The following ENTREP2 variants were observed in gnomAD, a reference collection of about 807,000 sequenced individuals.
ENTREP2 encodes protein ENTREP2.
chr15:29,222,045 G>A, the ENTREP2 span, among the ~76,000 whole-genome samples: 16 of 152,198 alleles, frequency 1.1e-4, no homozygotes, highest in Non-Finnish European at 1.8e-4. Context: ...TTGGATAGGG[G>A]CTGGGTAAAA....
the ENTREP2 span, among the ~76,000 whole-genome samples, chr15:29,206,103 C>T: frequency 2.6e-5 from 4 of 152,172 alleles, no homozygotes; most frequent in Non-Finnish European, 5.9e-5. Flanking sequence ...ATACCACAGA[C>T]GGGGTGGCTT....
the ENTREP2 span, among the ~76,000 whole-genome samples, chr15:29,543,035 T>C: frequency 2.6e-5 from 4 of 152,230 alleles, no homozygotes. Flanking sequence ...GTTATGAACA[T>C]GGATAAACAA....
the ENTREP2 span, among the ~76,000 whole-genome samples, chr15:29,332,564 G>A: frequency 1.3e-5 from 2 of 152,170 alleles, no homozygotes; most frequent in Non-Finnish European, 1.5e-5. Flanking sequence ...AATAACCGTG[G>A]TAAGAAGCAA....
chr15:29,135,779 C>A, the ENTREP2 span, among the ~76,000 whole-genome samples: 2 of 152,216 alleles, frequency 1.3e-5, no homozygotes, highest in Non-Finnish European at 2.9e-5. This position sits in a 1 kb window ranked among gnomAD's most constrained non-coding sequence, Gnocchi z 7.4. Context: ...AAGGACCTGG[C>A]AACTGAGGCA....
At chr15:29,642,513 TATAC>T in the ENTREP2 span, among the ~76,000 whole-genome samples, 1 of 148,174 alleles carries the variant, frequency 6.7e-6, no homozygotes, top group Non-Finnish European at 1.5e-5. Context: ...ATATATCATA[TATAC>T]ATATATACAC....
chr15:29,555,337 G>A, the ENTREP2 span, among the ~76,000 whole-genome samples: 1 of 152,176 alleles, frequency 6.6e-6, no homozygotes, highest in Non-Finnish European at 1.5e-5. Context: ...ATGAGTCAGT[G>A]TTTGACAGCT....
the ENTREP2 span, among the ~76,000 whole-genome samples, chr15:29,649,802 T>C: frequency 6.7e-6 from 1 of 149,862 alleles, no homozygotes; most frequent in East Asian, 1.9e-4. Context: ...TAAAATCAGG[T>C]TGTTCTGTCA....
At chr15:29,669,576 G>C in the ENTREP2 span, among the ~76,000 whole-genome samples, 5 of 152,162 alleles carry the variant, frequency 3.3e-5, no homozygotes, top group African/African-American at 4.8e-5. Flanking sequence ...AATGGACAGA[G>C]AGAGTTCTTA....
At chr15:29,155,224 G>A in the ENTREP2 span, among the ~76,000 whole-genome samples, 1 of 151,144 alleles carries the variant, frequency 6.6e-6, no homozygotes, top group African/African-American at 2.4e-5. Context: ...GGAGCTTGCA[G>A]TGAGCCAAGA....
chr15:29,226,024 T>C, the ENTREP2 span, among the ~76,000 whole-genome samples: 1 of 152,176 alleles, frequency 6.6e-6, no homozygotes, highest in Non-Finnish European at 1.5e-5. Context: ...ACGTCTTTCT[T>C]TGGAGCCCGA....
chr15:29,160,708 C>CAAAA, the ENTREP2 span, among the ~76,000 whole-genome samples: 54 of 36,242 alleles, frequency 1.5e-3, 4 homozygotes, highest in African/African-American at 4.0e-3. Context: ...GACTCTGTCT[C>CAAAA]AAAAAAAAAA....
chr15:29,175,345 G>C, the ENTREP2 span, among the ~76,000 whole-genome samples: 1 of 152,210 alleles, frequency 6.6e-6, no homozygotes, highest in East Asian at 1.9e-4. Context: ...CACACAGCAA[G>C]GCTCAATCAA....
chr15:29,344,935 C>G, the ENTREP2 span, among the ~76,000 whole-genome samples: 2 of 96,924 alleles, frequency 2.1e-5, no homozygotes, highest in East Asian at 7.3e-4. Flanking sequence ...CGCGCAGACA[C>G]ACACACACAC....
the ENTREP2 span, among the ~76,000 whole-genome samples, chr15:29,280,014 A>C: frequency 2.6e-5 from 4 of 152,218 alleles, no homozygotes; most frequent in African/African-American, 9.6e-5. Context: ...AAATGAGTAA[A>C]GCCTGTGCTC....
chr15:29,333,213 G>A, the ENTREP2 span, among the ~76,000 whole-genome samples: 1 of 152,148 alleles, frequency 6.6e-6, no homozygotes, highest in African/African-American at 2.4e-5. Flanking sequence ...AGAGGCCAGA[G>A]AGGGGTCACA....
the ENTREP2 span, among the ~76,000 whole-genome samples, chr15:29,597,760 T>C: frequency 6.6e-6 from 1 of 152,128 alleles, no homozygotes; most frequent in African/African-American, 2.4e-5. Context: ...CTGGTTTATG[T>C]AGGGACATAC....
the ENTREP2 span, among the ~76,000 whole-genome samples, chr15:29,599,428 G>C: frequency 3.9e-5 from 6 of 152,204 alleles, no homozygotes; most frequent in Admixed American, 2.0e-4. Flanking sequence ...CTGAGGGCTG[G>C]TGGTTGAGGT....
the ENTREP2 span, among the ~76,000 whole-genome samples, chr15:29,441,466 G>A: frequency 6.6e-6 from 1 of 152,146 alleles, no homozygotes; most frequent in East Asian, 1.9e-4. Flanking sequence ...GAACTCCATG[G>A]CATTTGACAC....
At chr15:29,232,471 T>C in the ENTREP2 span, among the ~76,000 whole-genome samples, 1 of 151,744 alleles carries the variant, frequency 6.6e-6, no homozygotes. Flanking sequence ...TGCCTTCTTT[T>C]TTTTTTTAAA....
Sources: gnomAD v4.1 joint callset for allele counts (sites outside exome capture counted in the v4.1 genomes callset) on GRCh38, gnomAD v4.1.1 for gene constraint, Gnocchi (gnomAD v3.1) non-coding constraint, MANE v1.5 for transcripts, NCBI Gene and HGNC (gene_info 2026-07-23, HGNC 2026-07-21) for gene names.